Variants in SPATA45 observed in about 807,000 individuals in gnomAD.
The protein encoded by SPATA45 is spermatogenesis associated 45.
Under a neutral mutation model 7.0 loss-of-function variants are expected in SPATA45, and 5 were observed. The observed-to-expected ratio is 0.71, with a 90% CI of 0.37 to 1.50. The LOEUF (loss-of-function observed/expected upper bound fraction) is 1.50. Among genes scored for constraint, SPATA45 ranks in the 40% most tolerant of loss-of-function variants. SPATA45 has a pLI of 0.03. For missense variants in SPATA45, 111 were observed against 114.9 expected (o/e 0.97, Z 0.16); for synonymous variants, 40 against 38.7 (o/e 1.03, Z -0.13).
intron 1 of SPATA45, among the ~76,000 whole-genome samples, chr1:212,846,521 G>T (rs999925848): frequency 6.6e-6 from 1 of 152,030 alleles, no homozygotes; most frequent in Non-Finnish European, 1.5e-5. Flanking sequence ...ACTGTGATTT[G>T]TTCCTGCCCC....
chr1:212,832,359 CTTT>C (rs34934655), intron 2 of SPATA45, among the ~76,000 whole-genome samples: 74 of 57,170 alleles, frequency 1.3e-3, no homozygotes, highest in African/African-American at 2.2e-3. Flanking sequence ...GAAATCTAAG[CTTT>C]TTTTTTTTTT....
At position 212,837,191 on chromosome 1, in the gene SPATA45, G is replaced by T. The variant is rs1034741270; in HGVS notation, c.-38-1004C>A. 3.3e-5 allele frequency among the ~76,000 whole-genome samples: 5 copies of T among 151,090 alleles called. No homozygotes were observed. The South Asian group carries it at 1.0e-3, about 32-fold the overall frequency. ...GATAAATAATACATGTTTAATACAT[G>T]ATTATAAAAATAATACATATTCATG... On this transcript the variant is annotated intron_variant, in intron 1 of 2. Coordinates refer to ENST00000332912, the MANE Select transcript of SPATA45 (RefSeq NM_001024601.3).
At chr1:212,839,876 G>C (rs987026286) in intron 1 of SPATA45, among the ~76,000 whole-genome samples, 9 of 151,570 alleles carry the variant, frequency 5.9e-5, no homozygotes, top group Admixed American at 5.9e-4. Context: ...AGTCAATAAA[G>C]CTCTTACATA....
chr1:212,844,542 C>T (rs1449658496), intron 1 of SPATA45, among the ~76,000 whole-genome samples: 2 of 152,164 alleles, frequency 1.3e-5, no homozygotes, highest in Non-Finnish European at 2.9e-5. Flanking sequence ...ATGGCAGTTC[C>T]ACCATGCCTA....
intron 1 of SPATA45, among the ~76,000 whole-genome samples, chr1:212,846,308 CAA>C (rs2102515879): frequency 6.6e-6 from 1 of 152,274 alleles, no homozygotes; most frequent in African/African-American, 2.4e-5. Context: ...ATACCACCCC[CAA>C]AAGTTTTCGC....
At chr1:212,846,158 A>G (rs190450457) in intron 1 of SPATA45, among the ~76,000 whole-genome samples, 52 of 152,208 alleles carry the variant, frequency 3.4e-4, no homozygotes, top group Admixed American at 3.3e-3. Flanking sequence ...ATTCTATACG[A>G]CAAATGCCCC....
At chr1:212,842,951 G>A (rs893413006) in intron 1 of SPATA45, among the ~76,000 whole-genome samples, 1 of 133,500 alleles carries the variant, frequency 7.5e-6, no homozygotes, top group Non-Finnish European at 1.7e-5. Context: ...AAAAAAATTA[G>A]CTGGGCGTGG....
chr1:212,847,508 T>G (rs1194387513), intron 1 of SPATA45, 72 bp downstream of exon 1: 1 of 152,220 alleles, frequency 6.6e-6, no homozygotes, highest in Non-Finnish European at 1.5e-5. Context: ...AGAACATAAC[T>G]ATCATAATAA....
intron 2 of SPATA45, 103 bp from the exon 3 acceptor site, chr1:212,830,364 G>C (rs1394322466): frequency 1.5e-5 from 10 of 684,932 alleles, no homozygotes; most frequent in Non-Finnish European, 2.4e-5. Flanking sequence ...TCAGATACAG[G>C]AACTAAGGTT....
chr1:212,831,266 T>C (rs1290386876), intron 2 of SPATA45, among the ~76,000 whole-genome samples: 2 of 151,108 alleles, frequency 1.3e-5, no homozygotes, highest in Non-Finnish European at 3.0e-5. Flanking sequence ...GTCAAGAATT[T>C]GAGACCAACC....
chr1:212,831,161 A>AG, intron 2 of SPATA45, among the ~76,000 whole-genome samples: 1 of 150,740 alleles, frequency 6.6e-6, no homozygotes, highest in East Asian at 2.0e-4. Context: ...ATTAAAAAAA[A>AG]AAAAAGAAAG....
chr1:212,835,535 A>G (rs1451054682), intron 2 of SPATA45, among the ~76,000 whole-genome samples: 1 of 146,054 alleles, frequency 6.8e-6, no homozygotes, highest in Non-Finnish European at 1.5e-5. Flanking sequence ...AAAAACAAAA[A>G]AAGAATCCTA....
At chr1:212,838,445 G>A (rs1388524535) in intron 1 of SPATA45, among the ~76,000 whole-genome samples, 1 of 151,644 alleles carries the variant, frequency 6.6e-6, no homozygotes, top group Non-Finnish European at 1.5e-5. Flanking sequence ...AGATATGGAG[G>A]ACCTGGAATT....
At chr1:212,840,894 A>G (rs1663669564) in intron 1 of SPATA45, among the ~76,000 whole-genome samples, 1 of 152,208 alleles carries the variant, frequency 6.6e-6, no homozygotes, top group Non-Finnish European at 1.5e-5. Context: ...CTGGGATTAC[A>G]GGACTGAGCC....
chr1:212,846,976 C>T (rs1265359456), intron 1 of SPATA45, among the ~76,000 whole-genome samples: 1 of 152,146 alleles, frequency 6.6e-6, no homozygotes, highest in African/African-American at 2.4e-5. Context: ...ACTGCAGCCT[C>T]AACCTCCCGG....
chr1:212,836,596 G>A (rs1256557928), intron 1 of SPATA45, among the ~76,000 whole-genome samples: 1 of 151,596 alleles, frequency 6.6e-6, no homozygotes, highest in Admixed American at 6.6e-5. Context: ...TTCCCAAAGT[G>A]CTGGGATTAC....
chr1:212,846,784 T>C (rs1475827710), intron 1 of SPATA45, among the ~76,000 whole-genome samples: 1 of 152,204 alleles, frequency 6.6e-6, no homozygotes, highest in Non-Finnish European at 1.5e-5. Flanking sequence ...TTTGGTGGTC[T>C]CTTCACATGG....
chr1:212,840,301 T>C (rs932081448), intron 1 of SPATA45, among the ~76,000 whole-genome samples: 1 of 144,120 alleles, frequency 6.9e-6, no homozygotes, highest in Non-Finnish European at 1.6e-5. Context: ...TCCCAGCTAC[T>C]TGGAAGGCTG....
In SPATA45 at chr1:212,846,769, G is replaced by T. The variant is rs552532852; in HGVS notation, c.-39+811C>A. 5.3e-4 allele frequency among the ~76,000 whole-genome samples: 80 copies of T among 152,298 alleles called. No homozygotes were observed. In the South Asian group the frequency reaches 6.8e-3, roughly 13 times the overall value. The stretch of plus-strand genomic sequence containing the variant: ...TAAACAGCCTTGTTGCTCACACAAA[G>T]CCTGTTTGGTGGTCTCTTCACATGG... On this transcript the variant is annotated intron_variant, in intron 1 of 2. Coordinates refer to ENST00000332912, the MANE Select transcript of SPATA45 (RefSeq NM_001024601.3).
Sources: allele counts gnomAD v4.1 joint callset (sites outside exome capture counted in the v4.1 genomes callset), GRCh38; gene constraint gnomAD v4.1.1; transcripts MANE v1.5; gene names NCBI Gene and HGNC (gene_info 2026-07-23, HGNC 2026-07-21).